Variants in ELF2 observed in about 807,000 individuals in gnomAD.
ELF2 encodes the protein E74 like ETS transcription factor 2.
In ELF2, 11 loss-of-function variants were observed where a neutral mutation model predicts 54.8. The ratio of observed to expected loss-of-function variants is 0.20; its 90% confidence interval spans 0.13 to 0.33. The LOEUF is 0.33. Ranked by LOEUF, ELF2 falls within the 10% of genes least tolerant of loss-of-function variation. ELF2 has a pLI of 1.00. For missense variants in ELF2, 513 were observed against 703.0 expected (o/e 0.73, Z 3.06); for synonymous variants, 203 against 245.1 (o/e 0.83, Z 1.61).
At chr4:139,064,383 T>C (rs1311674239) in intron 7 of ELF2, among the ~76,000 whole-genome samples, 3 of 152,208 alleles carry the variant, frequency 2.0e-5, no homozygotes, top group African/African-American at 7.2e-5. Context: ...CCATGCACTA[T>C]TCGTTTACTA....
intron 3 of ELF2, among the ~76,000 whole-genome samples, chr4:139,135,275 GTGTGTATA>G (rs1475117310): frequency 1.0e-4 from 14 of 136,538 alleles, no homozygotes; most frequent in African/African-American, 4.0e-4. Flanking sequence ...GTGTGTGTGT[GTGTGTATA>G]TATGAATGAA....
intron 1 of ELF2, among the ~76,000 whole-genome samples, chr4:139,143,303 C>G (rs138238444): frequency 4.7e-4 from 71 of 152,264 alleles, no homozygotes; most frequent in African/African-American, 1.5e-3. Context: ...GAGATCTGTG[C>G]TCTGATCACT....
intron 7 of ELF2, among the ~76,000 whole-genome samples, chr4:139,064,605 C>T (rs1199376987): frequency 3.3e-5 from 5 of 152,106 alleles, no homozygotes; most frequent in African/African-American, 9.7e-5. Flanking sequence ...TTCGGCCGGG[C>T]GTGTTGGCTC....
chr4:139,064,882 AAAAAC>A (rs932271104), intron 7 of ELF2, among the ~76,000 whole-genome samples: 16 of 152,270 alleles, frequency 1.1e-4, no homozygotes, highest in African/African-American at 2.6e-4. Flanking sequence ...CTCCACCTCA[AAAAAC>A]AAAACAAAAC....
intron 4 of ELF2, among the ~76,000 whole-genome samples, chr4:139,113,064 T>C (rs1735136755): frequency 6.6e-6 from 1 of 152,200 alleles, no homozygotes; most frequent in African/African-American, 2.4e-5. Flanking sequence ...TCATCTAAAA[T>C]CATTCCTTTT....
chr4:139,167,916 A>G (rs552195063), intron 1 of ELF2, among the ~76,000 whole-genome samples: 1 of 152,340 alleles, frequency 6.6e-6, no homozygotes, highest in Admixed American at 6.5e-5. Flanking sequence ...CTTAAGGCGT[A>G]GCTTTTTCAC....
At chr4:139,142,930 G>C (rs1738858913) in intron 1 of ELF2, among the ~76,000 whole-genome samples, 1 of 152,012 alleles carries the variant, frequency 6.6e-6, no homozygotes, top group Non-Finnish European at 1.5e-5. Context: ...ACATTTGCAA[G>C]CAAAATTGAT....
At chr4:139,170,899 C>T (rs1159210424) in intron 1 of ELF2, among the ~76,000 whole-genome samples, 1 of 151,942 alleles carries the variant, frequency 6.6e-6, no homozygotes, top group Non-Finnish European at 1.5e-5. Context: ...GCATGCGCCA[C>T]CACCTCCGGC....
In ELF2 at chr4:139,152,846, T is replaced by C. The variant is rs1211271437; in HGVS notation, c.-251-13349A>G. On this transcript the variant is annotated intron_variant, in intron 1 of 9. Transcript: ENST00000686138. ...AGGAATTTTATATATATATATATAG[T>C]TGTAATATTAATATAAATACAGCAT... is the stretch of plus-strand genomic sequence containing the variant. 6.9e-4 allele frequency among the ~76,000 whole-genome samples: 103 copies of C among 149,710 alleles called. 1 individual carries two copies. Among genetic ancestry groups the C allele is most frequent in the Non-Finnish European group, 1.0e-4 (7 of 67,394 alleles).
At chr4:139,104,467 C>T (rs1444535412) in intron 4 of ELF2, among the ~76,000 whole-genome samples, 1 of 147,852 alleles carries the variant, frequency 6.8e-6, no homozygotes, top group African/African-American at 2.5e-5. Flanking sequence ...TGAGATCGTG[C>T]CACTGCACCC....
intron 1 of ELF2, among the ~76,000 whole-genome samples, chr4:139,153,776 C>CA (rs1357709785): frequency 1.3e-5 from 2 of 152,214 alleles, no homozygotes; most frequent in African/African-American, 4.8e-5. Flanking sequence ...TCACCCAAAA[C>CA]AAAGGCATAC....
intron 1 of ELF2, among the ~76,000 whole-genome samples, chr4:139,148,144 G>T (rs1739440158): frequency 1.3e-5 from 2 of 150,072 alleles, no homozygotes; most frequent in Admixed American, 1.3e-4. Flanking sequence ...CCAGAGAGCT[G>T]TCTGTTCTGG....
chr4:139,099,455 T>C (rs1020878130), intron 4 of ELF2, among the ~76,000 whole-genome samples: 9 of 152,182 alleles, frequency 5.9e-5, no homozygotes, highest in Non-Finnish European at 1.3e-4. Context: ...AGCACAAATA[T>C]AAATATAGTC....
At chr4:139,115,016 A>T in intron 4 of ELF2, 7 of 1,613,836 alleles carry the variant, frequency 4.3e-6, no homozygotes, top group Non-Finnish European at 5.1e-6. Context: ...GGTTTGTAAC[A>T]GTCAACCAGC....
At chr4:139,175,352 C>G (rs1208241838) in intron 1 of ELF2, among the ~76,000 whole-genome samples, 1 of 152,138 alleles carries the variant, frequency 6.6e-6, no homozygotes, top group Admixed American at 6.6e-5. Context: ...AATCACTAAA[C>G]TTAAAAATAG....
intron 3 of ELF2, among the ~76,000 whole-genome samples, chr4:139,125,709 G>T (rs1736844690): frequency 6.7e-6 from 1 of 149,826 alleles, no homozygotes; most frequent in Non-Finnish European, 1.5e-5. Flanking sequence ...CAAAATCCTG[G>T]AAGACTGAAA....
chr4:139,140,349 G>A (rs1009037158), intron 1 of ELF2, among the ~76,000 whole-genome samples: 10 of 152,188 alleles, frequency 6.6e-5, no homozygotes, highest in Admixed American at 6.5e-4. Flanking sequence ...TTAAGCACTT[G>A]ATCGTAGGCC....
In ELF2 at chr4:139,067,674, C is replaced by T. The variant is rs779012083; in HGVS notation, c.613+10G>A. On this transcript the variant is annotated intron_variant, in intron 7 of 9. Coordinates refer to ENST00000686138, the MANE Select transcript of ELF2 (RefSeq NM_001331036.3). ...TCATCTCACTTCCAAAGCAACCCTC[C>T]CCAAATTACCTTTTCCTTCTCTTGG... 1.2e-6 allele frequency: 2 copies of T among 1,611,532 alleles called. No homozygotes were observed. The highest frequency in any genetic ancestry group is 1.7e-4 in the Middle Eastern group (1 of 6,050).
At chr4:139,117,195 C>T (rs190376432) in intron 4 of ELF2, among the ~76,000 whole-genome samples, 79 of 152,292 alleles carry the variant, frequency 5.2e-4, no homozygotes, top group African/African-American at 1.7e-3. Flanking sequence ...AACCAGACCA[C>T]TTGACAGCCA....
Sources: gnomAD v4.1 joint callset for allele counts (sites outside exome capture counted in the v4.1 genomes callset) on GRCh38, gnomAD v4.1.1 for gene constraint, MANE v1.5 for transcripts, NCBI Gene and HGNC (gene_info 2026-07-23, HGNC 2026-07-21) for gene names.